Variants in RAB10 observed in about 807,000 individuals in gnomAD.
RAB10 encodes ras-related protein Rab-10.
RAB10 carries 5 observed loss-of-function variants against 25.7 expected under a neutral mutation model. The ratio of observed to expected loss-of-function variants is 0.19; its 90% CI spans 0.10 to 0.41. The LOEUF is 0.41. Among genes scored for constraint, RAB10 ranks in the 10% least tolerant of loss-of-function variants. RAB10 has a pLI of 1.00. For synonymous variants in RAB10, 89 were observed against 86.4 expected, an observed-to-expected ratio of 1.03 and a Z score of -0.16; for missense variants, 103 against 245.8, an observed-to-expected ratio of 0.42 and a Z score of 3.89.
intron 1 of RAB10, among the ~76,000 whole-genome samples, chr2:26,050,483 G>A (rs1666107238): frequency 6.6e-6 from 1 of 152,072 alleles, no homozygotes; most frequent in East Asian, 1.9e-4. Flanking sequence ...TTATAAATCT[G>A]TTGTTCTGGG....
At chr2:26,041,589 T>C (rs187610499) in intron 1 of RAB10, among the ~76,000 whole-genome samples, 156 of 135,588 alleles carry the variant, frequency 1.2e-3, no homozygotes, top group Non-Finnish European at 2.0e-3. Context: ...TTTGGCTTAA[T>C]AGGGCAAGAC....
At chr2:26,047,619 A>C (rs1488336793) in intron 1 of RAB10, among the ~76,000 whole-genome samples, 1 of 150,996 alleles carries the variant, frequency 6.6e-6, no homozygotes, top group Non-Finnish European at 1.5e-5. Context: ...GTTTGACTAC[A>C]TTGGCCGGGC....
At chr2:26,110,377 A>T (rs1293329095) in intron 3 of RAB10, among the ~76,000 whole-genome samples, 2 of 151,706 alleles carry the variant, frequency 1.3e-5, no homozygotes, top group African/African-American at 4.8e-5. Context: ...TTATTTGCTA[A>T]TTTTTTCTTA....
chr2:26,092,260 GCTGTGTGTGTGTGTGTGTGTGT>G (rs1178651629), intron 1 of RAB10, among the ~76,000 whole-genome samples: 6 of 130,892 alleles, frequency 4.6e-5, no homozygotes, highest in Non-Finnish European at 9.6e-5. Context: ...CATAGTGAGA[GCTGTGTGTGTGTGTGTGTGTGT>G]GTGTGTGTGT....
Position 26,109,180 on chromosome 2 carries a change from G to C in RAB10, c.189-588G>C, listed in dbSNP as rs1327510153. ...ACGCCTCAGCCTCCCGAAGGGCTGG[G>C]ATTACAAGTGTGAGCCACTGCGCCC... On this transcript the variant is annotated intron_variant, in intron 2 of 5. Transcript: ENST00000264710. 2.0e-5 allele frequency among the ~76,000 whole-genome samples: 3 copies of C among 152,198 alleles called. No individual in the cohort carries two copies. The South Asian group carries it at 6.2e-4, about 32-fold the overall frequency.
At chr2:26,074,854 A>G (rs1026933407) in intron 1 of RAB10, among the ~76,000 whole-genome samples, 7 of 152,224 alleles carry the variant, frequency 4.6e-5, no homozygotes, top group African/African-American at 7.2e-5. Flanking sequence ...TTTCTCATCT[A>G]TAACACTCCT....
At chr2:26,048,273 A>G (rs1386873777) in intron 1 of RAB10, among the ~76,000 whole-genome samples, 3 of 152,196 alleles carry the variant, frequency 2.0e-5, no homozygotes, top group Non-Finnish European at 4.4e-5. Context: ...TTCGTTTTAT[A>G]AGAAACTGCC....
At chr2:26,058,894 T>C (rs1483880504) in intron 1 of RAB10, among the ~76,000 whole-genome samples, 3 of 152,238 alleles carry the variant, frequency 2.0e-5, no homozygotes, top group Non-Finnish European at 4.4e-5. Context: ...GTAATTAATA[T>C]GACTTCTGAT....
At position 26,135,629 on chromosome 2, in the gene RAB10, G is replaced by A. The variant is rs1199260970; in HGVS notation, c.*608G>A. 1.3e-5 allele frequency: 2 copies of A among 152,598 alleles called. No individual in the cohort carries two copies. Among genetic ancestry groups the A allele is most frequent in the Non-Finnish European group, 2.9e-5 (2 of 68,030 alleles). The allele number at this position is 152,598 out of a possible 1,614,324, so 9.5% of individuals were successfully genotyped here. On this transcript the variant is annotated 3_prime_UTR_variant, in exon 6 of 6. Coordinates refer to ENST00000264710, the MANE Select transcript of RAB10 (RefSeq NM_016131.5). ...CCAAACATAAACCATTAAAATGTTTGTGGTTTGCTTGGCTGTAATTTTCAA... is the reference window on the plus strand; with the variant it reads ...CCAAACATAAACCATTAAAATGTTTATGGTTTGCTTGGCTGTAATTTTCAA...
At chr2:26,120,803 G>A (rs1342014504) in intron 3 of RAB10, among the ~76,000 whole-genome samples, 1 of 152,074 alleles carries the variant, frequency 6.6e-6, no homozygotes, top group Non-Finnish European at 1.5e-5. Context: ...TGTTAGCCAG[G>A]ATGGTCTCAA....
intron 1 of RAB10, among the ~76,000 whole-genome samples, chr2:26,083,535 C>G (rs1329418239): frequency 6.6e-6 from 1 of 151,742 alleles, no homozygotes; most frequent in Non-Finnish European, 1.5e-5. Flanking sequence ...ACCATATCAG[C>G]TCACTGCAAC....
intron 1 of RAB10, among the ~76,000 whole-genome samples, chr2:26,048,651 G>A (rs1384367315): frequency 6.6e-6 from 1 of 152,146 alleles, no homozygotes; most frequent in Non-Finnish European, 1.5e-5. Flanking sequence ...CACTTTGGGA[G>A]GCCTAGGTGG....
intron 1 of RAB10, among the ~76,000 whole-genome samples, chr2:26,062,539 C>T (rs1666423587): frequency 2.0e-5 from 3 of 151,784 alleles, no homozygotes; most frequent in Admixed American, 1.3e-4. Context: ...TAAGCTGGAC[C>T]TGGTGGCGCA....
Position 26,109,881 on chromosome 2 carries a change from G to A in RAB10, c.302G>A (p.Ser101Asn). The change falls in exon 3 of 6, where the codon AGC becomes AAC. Residue 101 changes from serine (S) to asparagine (N), a missense_variant. Physicochemically the swap from Ser to Asn is conservative, Grantham distance 46. Coordinates refer to ENST00000264710, the MANE Select transcript of RAB10 (RefSeq NM_016131.5). ...ITNGKSFENI[S>N]KWLRNIDEHA... ...AATGGTAAAAGTTTTGAAAACATCA[G>A]CAAATGGCTTAGAAACATAGATGAG... 1 of 1,608,898 alleles carries A rather than the reference G, an allele frequency of 6.2e-7. No homozygotes were observed. Among genetic ancestry groups the A allele is most frequent in the Non-Finnish European group, 8.5e-7 (1 of 1,177,956 alleles).
intron 3 of RAB10, among the ~76,000 whole-genome samples, chr2:26,118,262 C>T (rs143151504): frequency 8.5e-5 from 13 of 152,168 alleles, no homozygotes; most frequent in African/African-American, 2.2e-4. Context: ...TGAGCTACCA[C>T]GCCGGCCAAA....
At chr2:26,068,451 GAT>G (rs2149269524) in intron 1 of RAB10, among the ~76,000 whole-genome samples, 1 of 152,296 alleles carries the variant, frequency 6.6e-6, no homozygotes, top group East Asian at 1.9e-4. Flanking sequence ...ACTTATCAAA[GAT>G]GTGTTTAAAC....
In RAB10 at chr2:26,136,949, G is replaced by C. The variant is rs1423095020; in HGVS notation, c.*1928G>C. The C allele has an allele frequency of 1.3e-5, 2 of 152,588 alleles. No homozygotes were observed. Among genetic ancestry groups the C allele is most frequent in the Non-Finnish European group, 2.9e-5 (2 of 68,022 alleles). The allele number at this position is 152,588 out of a possible 1,614,324, so 9.5% of individuals were successfully genotyped here. On this transcript the variant is annotated 3_prime_UTR_variant, in exon 6 of 6. Coordinates refer to ENST00000264710, the MANE Select transcript of RAB10 (RefSeq NM_016131.5). ...GAAATGATGTTAAGCTTTTTGAAAA[G>C]TTTAGGTTAAACCTACTGTTGTTAG...
chr2:26,130,309 CT>C (rs996253393), intron 5 of RAB10, among the ~76,000 whole-genome samples: 15 of 147,862 alleles, frequency 1.0e-4, no homozygotes, highest in Non-Finnish European at 1.7e-4. Flanking sequence ...TCTTTCTTTC[CT>C]TTTTTTTTTC....
chr2:26,064,450 T>A (rs1666471966), intron 1 of RAB10, among the ~76,000 whole-genome samples: 1 of 151,784 alleles, frequency 6.6e-6, no homozygotes, highest in African/African-American at 2.4e-5. Context: ...GCCTCCTGAG[T>A]AGCTGGGACT....
Sources: allele counts gnomAD v4.1 joint callset (sites outside exome capture counted in the v4.1 genomes callset), GRCh38; gene constraint gnomAD v4.1.1; transcripts MANE v1.5; gene names NCBI Gene and HGNC (gene_info 2026-07-23, HGNC 2026-07-21).